OTOGL: variants seen among roughly 807,000 people sequenced by gnomAD.
The protein encoded by OTOGL is otogelin like.
In OTOGL, 285 loss-of-function variants were observed where a neutral mutation model predicts 318.5. The observed-to-expected ratio is 0.89, with a 90% CI of 0.81 to 0.99. The LOEUF (loss-of-function observed/expected upper bound fraction) is 0.99, where lower values mean the gene tolerates loss of function less well. OTOGL is among the 50% of genes least tolerant of loss of function. The pLI is 0.00. For missense variants in OTOGL, 2,899 were observed against 2,845.6 expected (o/e 1.02, Z -0.43); for synonymous variants, 987 against 936.5 (o/e 1.05, Z -0.99).
chr12:80,283,435 A>C (rs1268352677), intron 26 of OTOGL, among the ~76,000 whole-genome samples: 2 of 151,938 alleles, frequency 1.3e-5, no homozygotes, highest in African/African-American at 4.8e-5. Context: ...GCTCACAGTT[A>C]TCTGTCCTGT....
chr12:80,312,680 A>G (rs923422151), intron 30 of OTOGL, among the ~76,000 whole-genome samples: 2 of 152,280 alleles, frequency 1.3e-5, no homozygotes, highest in Middle Eastern at 3.4e-3. Flanking sequence ...GACAAGGAAT[A>G]TTGTGTCAAG....
rs759189393 is a variant in OTOGL at position 80,238,939 on chromosome 12, T to A, written c.906T>A (p.Asp302Glu). ...DDTKCVLTPS[D>E]FPNPCSSGMP... The stretch of plus-strand genomic sequence containing the variant: ...CCAAATGTGTACTCACACCCTCAGA[T>A]TTTCCAAATCCGTGCTCCAGTGGAA... The change falls in exon 10 of 59, where the codon GAT (aspartate) becomes GAA (glutamate). Residue 302 changes from aspartate (D) to glutamate (E), a missense_variant. This residue lies in a region of OTOGL where 2,607 missense variants were observed against 2,524.9 expected (regional missense o/e 1.03). Transcript: ENST00000547103. The A allele has an allele frequency of 6.3e-7, 1 of 1,597,064 alleles. No homozygotes were observed. The highest frequency in any genetic ancestry group is 8.5e-7 in the Non-Finnish European group (1 of 1,178,854).
intron 11 of OTOGL, among the ~76,000 whole-genome samples, chr12:80,243,868 T>TAC (rs199721293): frequency 2.1e-4 from 28 of 135,012 alleles, no homozygotes; most frequent in Middle Eastern, 3.6e-3. Flanking sequence ...TATATATATA[T>TAC]ACGATTCCAT....
chr12:80,234,263 C>T lies in OTOGL; in HGVS notation c.817+1166C>T, dbSNP rs145742051. Among the ~76,000 whole-genome samples, 785 of 152,158 alleles carry T rather than the reference C, an allele frequency of 5.2e-3. 13 individuals carry two copies. The highest frequency in any genetic ancestry group is 0.034 in the Admixed American group (519 of 15,278). ...TGATGAGAGCACAAGGTGATGTGTC[C>T]AATGTAACACAGCTTGTAACTGATA... On this transcript the variant is annotated intron_variant, in intron 9 of 58. Transcript: ENST00000547103.
chr12:80,181,331 TTCTCTCTC>T (rs57549257), intron 1 of OTOGL, among the ~76,000 whole-genome samples: 10 of 149,150 alleles, frequency 6.7e-5, no homozygotes, highest in Non-Finnish European at 1.0e-4. Flanking sequence ...TTAAATTTAC[TTCTCTCTC>T]TCTCTCTCTC....
rs1434409633 is a variant in OTOGL at position 80,356,502 on chromosome 12, T to G, written c.5893T>G (p.Cys1965Gly). The change falls in exon 48 of 59, where the codon TGT becomes GGT. Residue 1965 changes from cysteine to glycine, a missense_variant. Around this residue, in one of 3 missense-constraint regions of OTOGL, gnomAD observed 2,607 missense variants for 2,524.9 expected, o/e 1.03. Coordinates refer to ENST00000547103, the MANE Select transcript of OTOGL (RefSeq NM_001378609.3). ...TGTTGGCCACAGTCCTCTTTCTTGC[T>G]GTCCACAGTACAAATGTGGTAAGTA... The part of the protein sequence containing the change: ...LIVGHSPLSC[C>G]PQYKCECDPL... 1.2e-6 allele frequency: 2 copies of G among 1,608,110 alleles called. No individual in the cohort carries two copies. The highest frequency in any genetic ancestry group is 1.3e-5 in the African/African-American group (1 of 74,772).
chr12:80,211,641 G>T (rs998712227), intron 3 of OTOGL, among the ~76,000 whole-genome samples: 1 of 152,100 alleles, frequency 6.6e-6, no homozygotes, highest in South Asian at 2.1e-4. Flanking sequence ...TATTGCAAGG[G>T]TTGGTGCTAC....
intron 52 of OTOGL, among the ~76,000 whole-genome samples, chr12:80,363,601 G>T (rs1890361970): frequency 6.6e-6 from 1 of 152,162 alleles, no homozygotes; most frequent in Non-Finnish European, 1.5e-5. Context: ...TTCAAGTCTT[G>T]CACACCAAGA....
intron 1 of OTOGL, among the ~76,000 whole-genome samples, chr12:80,149,483 G>A (rs2137164214): frequency 6.6e-6 from 1 of 152,292 alleles, no homozygotes; most frequent in Non-Finnish European, 1.5e-5. Context: ...CTGTCAGACA[G>A]GGACATTTAA....
chr12:80,262,541 T>C (rs1041964353), intron 19 of OTOGL, among the ~76,000 whole-genome samples: 3 of 152,100 alleles, frequency 2.0e-5, no homozygotes, highest in Non-Finnish European at 4.4e-5. Flanking sequence ...TATGGCTTTA[T>C]AAGCAGGAAG....
chr12:80,369,326 T>A (rs1160825110), intron 55 of OTOGL, among the ~76,000 whole-genome samples: 1 of 152,122 alleles, frequency 6.6e-6, no homozygotes, highest in African/African-American at 2.4e-5. Context: ...ACTGTCTTCA[T>A]TACTGCTGAA....
rs140090307 is a variant in OTOGL at position 80,300,727 on chromosome 12, G to A, written c.3064-1907G>A. ...GCCTCACAGAGGAGGGAGCATATGGGTCACAATTGATGGGAATGAGGCCAT... is the reference window on the plus strand; with the variant it reads ...GCCTCACAGAGGAGGGAGCATATGGATCACAATTGATGGGAATGAGGCCAT... On this transcript the variant is annotated intron_variant, in intron 27 of 58. Transcript: ENST00000547103. Among the ~76,000 whole-genome samples the A allele has an allele frequency of 5.6e-4, 85 of 152,246 alleles. 1 individual carries two copies. In the East Asian group the frequency reaches 0.015, roughly 27 times the overall value.
At chr12:80,205,888 T>C (rs954968785) in intron 1 of OTOGL, among the ~76,000 whole-genome samples, 1 of 152,226 alleles carries the variant, frequency 6.6e-6, no homozygotes, top group African/African-American at 2.4e-5. Flanking sequence ...CATTGACATA[T>C]ATACTCCTCA....
chr12:80,377,702 G>A, intron 58 of OTOGL, 146 bp from the exon 59 acceptor site: 2 of 663,178 alleles, frequency 3.0e-6, no homozygotes, highest in Non-Finnish European at 5.1e-6. Context: ...TTCATTTATT[G>A]TTTTTTACGA....
intron 1 of OTOGL, among the ~76,000 whole-genome samples, chr12:80,099,881 G>T (rs950542669): frequency 6.6e-6 from 1 of 152,120 alleles, no homozygotes; most frequent in Non-Finnish European, 1.5e-5. Context: ...AAAATCAATG[G>T]TTTAGTTCCA....
At chr12:80,184,429 A>AT (rs1220009148) in intron 1 of OTOGL, among the ~76,000 whole-genome samples, 1 of 152,132 alleles carries the variant, frequency 6.6e-6, no homozygotes, top group African/African-American at 2.4e-5. Context: ...TAAAAGACGT[A>AT]TTTTTTTCTC....
chr12:80,339,912 G>T (rs1261422084), intron 43 of OTOGL, among the ~76,000 whole-genome samples: 2 of 152,072 alleles, frequency 1.3e-5, no homozygotes, highest in African/African-American at 4.8e-5. Context: ...GAAATAAAAA[G>T]AATACTGGCT....
chr12:80,213,222 C>T (rs1335271202), intron 4 of OTOGL, among the ~76,000 whole-genome samples: 1 of 152,180 alleles, frequency 6.6e-6, no homozygotes, highest in Non-Finnish European at 1.5e-5. Flanking sequence ...TATAGGGTAA[C>T]TTCTGGATGT....
chr12:80,326,772 G>A (rs1592711212), intron 35 of OTOGL, among the ~76,000 whole-genome samples: 1 of 152,136 alleles, frequency 6.6e-6, no homozygotes, highest in African/African-American at 2.4e-5. Flanking sequence ...TGTGAAGGAG[G>A]TATCCAAGAG....
Sources: gnomAD v4.1 joint callset for allele counts (sites outside exome capture counted in the v4.1 genomes callset) on GRCh38, gnomAD v4.1.1 for gene constraint, gnomAD v4.1.1 regional missense constraint, MANE v1.5 for transcripts, NCBI Gene and HGNC (gene_info 2026-07-23, HGNC 2026-07-21) for gene names.